Variants in PYM1 observed in about 807,000 individuals in gnomAD.
PYM1 encodes partner of Y14 and mago.
In PYM1, 7 loss-of-function variants were observed where a neutral mutation model predicts 20.7. The ratio of observed to expected loss-of-function variants is 0.34; its 90% CI spans 0.19 to 0.64. The LOEUF is 0.64. PYM1 is among the 30% of genes least tolerant of loss of function. The pLI is 0.74. For missense variants in PYM1, 194 were observed against 250.0 expected (o/e 0.78, Z 1.51); for synonymous variants, 100 against 99.2 (o/e 1.01, Z -0.05).
In PYM1 at chr12:55,915,213, T is replaced by TAAAAAAAA. The variant is rs1174981358; in HGVS notation, c.38-11741_38-11734dup. Among the ~76,000 whole-genome samples, 300 of 48,628 alleles carry TAAAAAAAA rather than the reference T, an allele frequency of 6.2e-3. 1 individual carries two copies. The highest frequency in any genetic ancestry group is 6.8e-3 in the Non-Finnish European group (204 of 30,112). The allele number at this position is 48,628 out of a possible 152,430, so 31.9% of individuals were successfully genotyped here. On this transcript the variant is annotated intron_variant, in intron 1 of 2. Transcript: ENST00000408946. ...CTGGGCAACAGTCCAAGACTCTGCCTAAAAAAAAAAAAAAAAAAAAAAAGT... is the reference window on the plus strand; with the variant it reads ...CTGGGCAACAGTCCAAGACTCTGCCTAAAAAAAAAAAAAAAAAAAAAAAAAAAAAAAGT...
At chr12:55,927,188 T>C in intron 1 of PYM1, 1 of 1,494,162 alleles carries the variant, frequency 6.7e-7, no homozygotes, top group Non-Finnish European at 9.1e-7. Context: ...GTCCCGATCG[T>C]AGCAAGCCAC....
chr12:55,916,816 G>T (rs369417677), intron 1 of PYM1, among the ~76,000 whole-genome samples: 3 of 152,006 alleles, frequency 2.0e-5, no homozygotes, highest in African/African-American at 7.2e-5. Context: ...AAGAAAAAAA[G>T]AAAGTAGTCT....
intron 1 of PYM1, among the ~76,000 whole-genome samples, chr12:55,904,336 A>G (rs61956425): frequency 1 from 151,093 of 151,098 alleles, 75,544 homozygotes; most frequent in Middle Eastern, 1. Flanking sequence ...GCTCATGCCT[A>G]TAATCCCAGC....
intron 1 of PYM1, among the ~76,000 whole-genome samples, chr12:55,911,195 G>A (rs1324749995): frequency 2.6e-5 from 4 of 152,046 alleles, no homozygotes; most frequent in Admixed American, 2.0e-4. Context: ...TGCAACCTCC[G>A]CCTCCCAGGT....
At chr12:55,919,205 T>C (rs1230891413) in intron 1 of PYM1, among the ~76,000 whole-genome samples, 1 of 152,196 alleles carries the variant, frequency 6.6e-6, no homozygotes, top group African/African-American at 2.4e-5. Context: ...TGGAGTGCAA[T>C]AGCTGGACCT....
rs1036479989 is a variant in PYM1 at position 55,927,795 on chromosome 12, G to A, written c.-34C>T. ...AGGCAGCGGACCAGGTTGGGCGGGC[G>A]GCCCTGGCCTGGCTCTGCCCCGCTG... On this transcript the variant is annotated 5_prime_UTR_variant, in exon 1 of 3. Transcript: ENST00000408946. 1 of 1,535,366 alleles carries A rather than the reference G, an allele frequency of 6.5e-7. No homozygotes were observed. The highest frequency in any genetic ancestry group is 8.7e-7 in the Non-Finnish European group (1 of 1,144,848).
At chr12:55,923,825 C>T (rs1318784877) in intron 1 of PYM1, among the ~76,000 whole-genome samples, 1 of 151,496 alleles carries the variant, frequency 6.6e-6, no homozygotes, top group Non-Finnish European at 1.5e-5. Context: ...TGCCTGTAAT[C>T]CCAGCACTTT....
At chr12:55,905,025 A>G (rs866142185) in intron 1 of PYM1, among the ~76,000 whole-genome samples, 59 of 151,588 alleles carry the variant, frequency 3.9e-4, no homozygotes, top group African/African-American at 1.3e-3. Context: ...ATTTTGAGAC[A>G]GAGTCTCGCT....
chr12:55,914,174 TA>T, intron 1 of PYM1: 1 of 636,790 alleles, frequency 1.6e-6, no homozygotes, highest in Non-Finnish European at 2.8e-6. Context: ...TTAGGAGGAC[TA>T]AAGATAGACT....
At chr12:55,926,691 C>T (rs745420784) in intron 1 of PYM1, among the ~76,000 whole-genome samples, 4 of 151,928 alleles carry the variant, frequency 2.6e-5, no homozygotes, top group Non-Finnish European at 5.9e-5. Flanking sequence ...GGGCAGAAAC[C>T]AAGTATAGCT....
intron 1 of PYM1, among the ~76,000 whole-genome samples, chr12:55,924,497 GAAAC>G (rs1452611217): frequency 2.6e-5 from 4 of 152,024 alleles, no homozygotes; most frequent in Admixed American, 2.0e-4. Context: ...AAAAAAGAAA[GAAAC>G]AAACAAAATC....
Position 55,901,835 on chromosome 12 carries a change from G to A in PYM1, c.*37C>T, listed in dbSNP as rs1555180156. Reference sequence around the variant, plus strand: ...CCCCCAGACCCCAGAGAGCCCCACGGTTTGTTCTGCAGTCCATTCCCTATT... The same window carrying A: ...CCCCCAGACCCCAGAGAGCCCCACGATTTGTTCTGCAGTCCATTCCCTATT... On this transcript the variant is annotated 3_prime_UTR_variant, in exon 3 of 3. Transcript: ENST00000408946. The A allele has an allele frequency of 6.4e-7, 1 of 1,558,624 alleles. No individual in the cohort carries two copies. Among genetic ancestry groups the A allele is most frequent in the Non-Finnish European group, 8.7e-7 (1 of 1,155,126 alleles).
chr12:55,916,226 T>A (rs1238895029), intron 1 of PYM1, among the ~76,000 whole-genome samples: 1 of 151,726 alleles, frequency 6.6e-6, no homozygotes, highest in African/African-American at 2.4e-5. Context: ...TCCCAGCTAC[T>A]CGGGAGGCTG....
chr12:55,916,523 C>T (rs1377358381), intron 1 of PYM1, among the ~76,000 whole-genome samples: 1 of 151,048 alleles, frequency 6.6e-6, no homozygotes, highest in Non-Finnish European at 1.5e-5. Flanking sequence ...GTCAGCCAGG[C>T]ACGGTGACTC....
intron 1 of PYM1, among the ~76,000 whole-genome samples, chr12:55,912,966 A>C (rs920433195): frequency 3.3e-5 from 5 of 152,116 alleles, no homozygotes; most frequent in Non-Finnish European, 7.4e-5. Context: ...CTCCGTCTCA[A>C]AAGAAAAAAA....
intron 1 of PYM1, among the ~76,000 whole-genome samples, chr12:55,905,778 A>AT (rs1565714320): frequency 7.5e-6 from 1 of 133,416 alleles, no homozygotes; most frequent in African/African-American, 2.7e-5. Context: ...TATTATATAT[A>AT]TATTATTATT....
chr12:55,917,978 C>CA (rs914728589), intron 1 of PYM1, among the ~76,000 whole-genome samples: 34 of 146,552 alleles, frequency 2.3e-4, no homozygotes, highest in East Asian at 4.0e-4. Flanking sequence ...AACAAACAAA[C>CA]AAAAAAAAAA....
In PYM1 at chr12:55,920,685, G is replaced by A. The variant is rs540518092; in HGVS notation, c.37+7040C>T. Among the ~76,000 whole-genome samples, 5 of 150,384 alleles carry A rather than the reference G, an allele frequency of 3.3e-5. No homozygotes were observed. In the East Asian group the frequency reaches 7.7e-4, roughly 23 times the overall value. On this transcript the variant is annotated intron_variant, in intron 1 of 2. Transcript: ENST00000408946. ...GAAAAAGAAAATAACCCTAAATGCC[G>A]AAAAAGATGCATGCACAAAAACATT...
intron 1 of PYM1, among the ~76,000 whole-genome samples, chr12:55,926,777 A>C (rs908116573): frequency 1.3e-5 from 2 of 152,138 alleles, no homozygotes; most frequent in African/African-American, 2.4e-5. Flanking sequence ...AGCCTGAAGA[A>C]CCTAAAAGAG....
Sources: gnomAD v4.1 joint callset for allele counts (sites outside exome capture counted in the v4.1 genomes callset) on GRCh38, gnomAD v4.1.1 for gene constraint, MANE v1.5 for transcripts, NCBI Gene and HGNC (gene_info 2026-07-23, HGNC 2026-07-21) for gene names.